ZNF536: variants seen among roughly 807,000 people sequenced by gnomAD.
ZNF536 encodes the protein zinc finger protein 536.
ZNF536 carries 13 observed loss-of-function variants against 84.5 expected under a neutral mutation model. The observed-to-expected ratio is 0.15, with a 90% CI of 0.10 to 0.24. The LOEUF is 0.24. ZNF536 is among the 10% of genes least tolerant of loss of function. ZNF536 has a pLI of 1.00. For missense variants in ZNF536, 1,536 were observed against 1,747.5 expected (o/e 0.88, Z 2.16); for synonymous variants, 811 against 742.5 (o/e 1.09, Z -1.50).
intron 1 of ZNF536, among the ~76,000 whole-genome samples, chr19:30,685,455 A>G (rs1253160678): frequency 6.6e-6 from 1 of 151,974 alleles, no homozygotes; most frequent in Non-Finnish European, 1.5e-5. Flanking sequence ...TTGCAGGGAA[A>G]CCAAACTCTG....
chr19:30,673,554 G>A (rs992531608), intron 1 of ZNF536, among the ~76,000 whole-genome samples: 8 of 152,128 alleles, frequency 5.3e-5, no homozygotes, highest in Non-Finnish European at 1.2e-4. Context: ...CATGGCCCTG[G>A]CCACCCAGGC....
chr19:30,404,049 A>G (rs1316523123), intron 1 of ZNF536, among the ~76,000 whole-genome samples: 1 of 70,370 alleles, frequency 1.4e-5, no homozygotes, highest in Non-Finnish European at 2.6e-5. Flanking sequence ...TCTGCTGTTC[A>G]TTTAGAATCT....
intron 1 of ZNF536, among the ~76,000 whole-genome samples, chr19:30,616,616 G>T (rs1038104956): frequency 2.0e-5 from 3 of 152,100 alleles, no homozygotes; most frequent in African/African-American, 7.2e-5. Context: ...ATGATTGATT[G>T]ATTTTTAATA....
In ZNF536 at chr19:30,508,712, C is replaced by T. The variant is rs149327403; in HGVS notation, c.2171-26135C>T. ...CTTCAAAATTCAAGTCCTATCTGCC[C>T]TACCTCACCACACCAACCAGGAAAT... is the stretch of plus-strand genomic sequence containing the variant. On this transcript the variant is annotated intron_variant, in intron 2 of 4. Transcript: ENST00000355537. Among the ~76,000 whole-genome samples, 831 of 152,166 alleles carry T rather than the reference C, an allele frequency of 5.5e-3. 8 individuals carry two copies. Among genetic ancestry groups the T allele is most frequent in the Non-Finnish European group, 7.6e-3 (518 of 67,986 alleles).
intron 1 of ZNF536, among the ~76,000 whole-genome samples, chr19:30,242,668 G>A (rs1319738963): frequency 1.3e-5 from 2 of 152,174 alleles, no homozygotes; most frequent in Admixed American, 1.3e-4. Context: ...TCATCACAAA[G>A]ACCTATCCCT....
chr19:30,328,997 G>T (rs1412189706), intron 2 of ZNF536, among the ~76,000 whole-genome samples: 1 of 152,210 alleles, frequency 6.6e-6, no homozygotes, highest in Admixed American at 6.5e-5. Context: ...CTGTAGAGAG[G>T]GATACCCTCA....
intron 1 of ZNF536, among the ~76,000 whole-genome samples, chr19:30,702,383 T>C (rs1208348778): frequency 3.9e-5 from 6 of 152,168 alleles, no homozygotes. Context: ...TGTACTTACT[T>C]TTCGCATGGC....
At chr19:30,668,681 C>T (rs1039890843) in intron 1 of ZNF536, 1 of 149,914 alleles carries the variant, frequency 6.7e-6, no homozygotes, top group Non-Finnish European at 1.5e-5. Context: ...TAGGTCTCCT[C>T]TATAAGGCGG....
intron 1 of ZNF536, among the ~76,000 whole-genome samples, chr19:30,237,174 T>C (rs925874399): frequency 6.6e-6 from 1 of 152,154 alleles, no homozygotes; most frequent in Non-Finnish European, 1.5e-5. Flanking sequence ...TCCCTTTGCA[T>C]GATAATATTG....
chr19:30,380,046 C>T (rs933649231), intron 1 of ZNF536, among the ~76,000 whole-genome samples: 2 of 152,164 alleles, frequency 1.3e-5, no homozygotes, highest in East Asian at 1.9e-4. Flanking sequence ...CCACCACCGC[C>T]GAGGACATGG....
chr19:30,520,121 C>T (rs1002182413), intron 2 of ZNF536, among the ~76,000 whole-genome samples: 1 of 152,158 alleles, frequency 6.6e-6, no homozygotes, highest in Non-Finnish European at 1.5e-5. Context: ...ATTCTGAGGT[C>T]CAACAGAGAG....
intron 2 of ZNF536, among the ~76,000 whole-genome samples, chr19:30,468,572 C>T (rs747769038): frequency 3.9e-5 from 6 of 152,084 alleles, no homozygotes; most frequent in Non-Finnish European, 7.3e-5. Context: ...CCGACTTGTC[C>T]AGATGTCACT....
intron 1 of ZNF536, among the ~76,000 whole-genome samples, chr19:30,420,963 C>T (rs1357875075): frequency 2.6e-5 from 4 of 152,142 alleles, no homozygotes; most frequent in Admixed American, 2.6e-4. Flanking sequence ...TGGGTTTCAC[C>T]GTTCACCTTC....
chr19:30,279,448 C>T (rs2045357030), intron 1 of ZNF536, among the ~76,000 whole-genome samples: 1 of 152,150 alleles, frequency 6.6e-6, no homozygotes. Context: ...TCTGTAGCAA[C>T]AATGGGTGTG....
intron 1 of ZNF536, among the ~76,000 whole-genome samples, chr19:30,420,637 T>A (rs1177614694): frequency 6.6e-6 from 1 of 152,098 alleles, no homozygotes; most frequent in Non-Finnish European, 1.5e-5. Context: ...AAACAAAATC[T>A]TTTTACAAAA....
intron 2 of ZNF536, among the ~76,000 whole-genome samples, chr19:30,529,508 C>G (rs2044720525): frequency 6.6e-6 from 1 of 152,194 alleles, no homozygotes; most frequent in African/African-American, 2.4e-5. Context: ...CCAACTCCTT[C>G]AGCCCACATC....
At chr19:30,524,141 G>T (rs112678752) in intron 2 of ZNF536, among the ~76,000 whole-genome samples, 18 of 152,186 alleles carry the variant, frequency 1.2e-4, no homozygotes, top group African/African-American at 4.3e-4. Context: ...TATTTAAAAT[G>T]GTGTGTGTGT....
intron 1 of ZNF536, among the ~76,000 whole-genome samples, chr19:30,592,423 G>A (rs917951174): frequency 6.6e-6 from 1 of 152,276 alleles, no homozygotes; most frequent in Admixed American, 6.5e-5. Flanking sequence ...AAATGGGTCA[G>A]GCATGTGGGT....
At chr19:30,629,845 G>A (rs892097) in intron 1 of ZNF536, among the ~76,000 whole-genome samples, 50 of 152,338 alleles carry the variant, frequency 3.3e-4, no homozygotes, top group Middle Eastern at 6.8e-3. Context: ...GGGCAGTGAG[G>A]GTCCCTCCTG....
Sources: gnomAD v4.1 joint callset for allele counts (sites outside exome capture counted in the v4.1 genomes callset) on GRCh38, gnomAD v4.1.1 for gene constraint, MANE v1.5 for transcripts, NCBI Gene and HGNC (gene_info 2026-07-23, HGNC 2026-07-21) for gene names.